The following PRC1 variants were observed in gnomAD, a reference collection of about 807,000 sequenced individuals.
The protein encoded by PRC1 is anaphase spindle elongation 1 homolog.
In PRC1, 54 loss-of-function variants were observed where a neutral mutation model predicts 91.2. That is an observed-to-expected ratio of 0.59 (90% CI 0.48 to 0.74). The LOEUF (loss-of-function observed/expected upper bound fraction) is 0.74, where lower values mean the gene tolerates loss of function less well. PRC1 is among the 30% of genes least tolerant of loss of function. The probability of loss-of-function intolerance (pLI) is 0.00; values close to 1 mark genes in which losing one functional copy is unlikely to be tolerated. For missense variants in PRC1, 727 were observed against 746.2 expected (o/e 0.97, Z 0.30); for synonymous variants, 275 against 263.6 (o/e 1.04, Z -0.42).
Position 90,969,629 on chromosome 15 carries a change from G to A in PRC1, c.1573-6C>T, listed in dbSNP as rs1454655585. ...CAGGTGGAAGCAGCGACTGGCTGCA[G>A]AGAAAGGAAAGAGATCCATGTATCA... On this transcript the variant is annotated splice_region_variant and splice_polypyrimidine_tract_variant and intron_variant, in intron 12 of 14. Transcript: ENST00000394249. 1 of 1,586,468 alleles carries A rather than the reference G, an allele frequency of 6.3e-7. No individual in the cohort carries two copies. Among genetic ancestry groups the A allele is most frequent in the Non-Finnish European group, 8.6e-7 (1 of 1,164,576 alleles).
rs527552614 is a variant in PRC1 at position 90,976,840 on chromosome 15, C to T, written c.1108-69G>A. The T allele has an allele frequency of 5.9e-6, 8 of 1,357,144 alleles. No individual in the cohort carries two copies. The Admixed American group carries it at 1.3e-4, about 21-fold the overall frequency. The allele number at this position is 1,357,144 out of a possible 1,614,324, so 84.1% of individuals were successfully genotyped here. Reference sequence around the variant, plus strand: ...GAGACCAATAACTTCTGCTAAGATTCTTTGTTCTCGCCAGGCGTGGTGACT... The same window carrying T: ...GAGACCAATAACTTCTGCTAAGATTTTTTGTTCTCGCCAGGCGTGGTGACT... On this transcript the variant is annotated intron_variant, in intron 8 of 14. Coordinates refer to ENST00000394249, the MANE Select transcript of PRC1 (RefSeq NM_003981.4).
chr15:90,979,097 G>A, intron 8 of PRC1, 61 bp downstream of exon 8: 1 of 1,546,828 alleles, frequency 6.5e-7, no homozygotes, highest in East Asian at 2.3e-5. Context: ...AAGCTAACTG[G>A]ATTGATTCCG....
At chr15:90,970,627 G>A in intron 11 of PRC1, 113 bp from the exon 12 acceptor site, 1 of 734,076 alleles carries the variant, frequency 1.4e-6, no homozygotes, top group Non-Finnish European at 2.4e-6. Context: ...AGGGAAGACG[G>A]GTTTACATGG....
In PRC1 at chr15:90,984,176, A is replaced by T; in HGVS notation, c.145-36T>A. Reference sequence around the variant, plus strand: ...GAAAACAGTCCATAAGTTTGGGGCAATGGAGGAAAAAAACTCCCAACACCA... The same window carrying T: ...GAAAACAGTCCATAAGTTTGGGGCATTGGAGGAAAAAAACTCCCAACACCA... On this transcript the variant is annotated intron_variant, in intron 2 of 14. Transcript: ENST00000394249. This position sits in a 1 kb window ranked among gnomAD's most constrained non-coding sequence, Gnocchi z 5.1. 6.2e-7 allele frequency: 1 copy of T among 1,606,458 alleles called. No individual in the cohort carries two copies. The highest frequency in any genetic ancestry group is 1.3e-5 in the African/African-American group (1 of 74,644).
chr15:90,975,307 T>C (rs2038578794), intron 9 of PRC1, among the ~76,000 whole-genome samples: 1 of 152,152 alleles, frequency 6.6e-6, no homozygotes, highest in African/African-American at 2.4e-5. Flanking sequence ...TTTCGTCATG[T>C]TGGCCAGGCT....
chr15:90,979,772 T>G (rs1308583187), intron 7 of PRC1, among the ~76,000 whole-genome samples: 1 of 152,232 alleles, frequency 6.6e-6, no homozygotes, highest in African/African-American at 2.4e-5. Context: ...GTCTCTGGGT[T>G]AAATGACTCA....
Position 90,969,503 on chromosome 15 carries a change from G to C in PRC1, c.1693C>G (p.Pro565Ala). The change falls in exon 13 of 15, where the codon CCC becomes GCC. Residue 565 changes from proline to alanine, a missense_variant. Transcript: ENST00000394249. ...TTAATGCTGAAGTTGCGCTGGAGGG[G>C]GGCCGAGCCAGGGTACCCACCACTC... The part of the protein sequence containing the change: ...ILSGGYPGSA[P>A]LQRNFSINSV... The C allele has an allele frequency of 6.2e-7, 1 of 1,612,894 alleles. No homozygotes were observed. The highest frequency in any genetic ancestry group is 1.1e-5 in the South Asian group (1 of 90,982).
At chr15:90,967,731 G>A (rs2037644015) in intron 14 of PRC1, 1 of 674,058 alleles carries the variant, frequency 1.5e-6, no homozygotes, top group Non-Finnish European at 1.8e-6. Context: ...TATAGTTTAG[G>A]TGTGTAGGCT....
At chr15:90,989,847 T>C (rs751432302) in intron 1 of PRC1, among the ~76,000 whole-genome samples, 1 of 151,996 alleles carries the variant, frequency 6.6e-6, no homozygotes, top group Non-Finnish European at 1.5e-5. Flanking sequence ...ATATCCAGAA[T>C]AGGTAAAAAG....
chr15:90,969,317 G>A (rs943201325), intron 13 of PRC1, 130 bp downstream of exon 13: 4 of 1,315,758 alleles, frequency 3.0e-6, no homozygotes, highest in Non-Finnish European at 4.2e-6. Context: ...CATGGTCAAA[G>A]CAGGAAAGGG....
At chr15:90,993,958 ATAAACT>A (rs2040136526) in intron 1 of PRC1, among the ~76,000 whole-genome samples, 2 of 152,222 alleles carry the variant, frequency 1.3e-5, no homozygotes, top group Non-Finnish European at 2.9e-5. Context: ...ACAACGATAA[ATAAACT>A]TAACAGCTTT....
chr15:90,981,402 A>T, intron 5 of PRC1, 97 bp downstream of exon 5: 1 of 1,371,078 alleles, frequency 7.3e-7, no homozygotes, highest in East Asian at 2.3e-5. Flanking sequence ...CTTACCTTAC[A>T]TTGTCTCCTT....
At chr15:90,982,008 T>A (rs1194269597) in intron 3 of PRC1, 27 bp from the exon 4 acceptor site, 2 of 1,591,686 alleles carry the variant, frequency 1.3e-6, no homozygotes, top group African/African-American at 1.4e-5. Context: ...ACCACTGTTA[T>A]AAGATTCCAA....
At chr15:90,985,355 C>T (rs1191362595) in intron 1 of PRC1, among the ~76,000 whole-genome samples, 2 of 151,564 alleles carry the variant, frequency 1.3e-5, no homozygotes, top group Non-Finnish European at 2.9e-5. Context: ...CTCAGCCTCC[C>T]GAGTAGGTGG....
At chr15:90,980,511 A>ATT in intron 6 of PRC1, 122 bp from the exon 7 acceptor site, 1 of 811,426 alleles carries the variant, frequency 1.2e-6, no homozygotes, top group Non-Finnish European at 1.7e-6. Context: ...ATAAATCAAC[A>ATT]CTTTTTTTTT....
At chr15:90,989,412 ATTTTTTT>A (rs58512103) in intron 1 of PRC1, among the ~76,000 whole-genome samples, 2 of 118,464 alleles carry the variant, frequency 1.7e-5, no homozygotes, top group African/African-American at 3.2e-5. Flanking sequence ...TGCTTGGCTA[ATTTTTTT>A]TTTTTTTTTT....
At position 90,974,293 on chromosome 15, in the gene PRC1, G is replaced by A. The variant is rs201913516; in HGVS notation, c.1351-47C>T. The A allele has an allele frequency of 2.1e-4, 314 of 1,526,504 alleles. No individual in the cohort carries two copies. Among genetic ancestry groups the A allele is most frequent in the East Asian group, 3.4e-4 (15 of 44,500 alleles). 94.6% of individuals were successfully genotyped at this position (1,526,504 alleles called of 1,614,324 possible). A position where few individuals can be genotyped will look rare whatever the true frequency, so the allele number is the denominator to read the frequency against. The stretch of plus-strand genomic sequence containing the variant: ...CAGTGATAAATCTCAGGAAGAGAGC[G>A]GGTCTGGGATGGCAACAGCAGCAGG... On this transcript the variant is annotated intron_variant, in intron 10 of 14. Transcript: ENST00000394249. This position sits in a 1 kb window ranked among gnomAD's most constrained non-coding sequence, Gnocchi z 4.6.
chr15:90,988,083 G>T (rs916691930), intron 1 of PRC1: 3 of 152,054 alleles, frequency 2.0e-5, no homozygotes, highest in African/African-American at 7.2e-5. Context: ...GAAAAAAAGA[G>T]AAATGTTAAC....
In PRC1 at chr15:90,974,248, T is replaced by C; in HGVS notation, c.1351-2A>G. The C allele has an allele frequency of 6.2e-7, 1 of 1,611,150 alleles. No individual in the cohort carries two copies. The highest frequency in any genetic ancestry group is 8.5e-7 in the Non-Finnish European group (1 of 1,177,298). Reference sequence around the variant, plus strand: ...TGTCTGTTTTTTGTTCTTCAGTTGCTGTGTGAAAGTCAGAAGCAACAGTGA... The same window carrying C: ...TGTCTGTTTTTTGTTCTTCAGTTGCCGTGTGAAAGTCAGAAGCAACAGTGA... On this transcript the variant is annotated splice_acceptor_variant, in intron 10 of 14. Coordinates refer to ENST00000394249, the MANE Select transcript of PRC1 (RefSeq NM_003981.4). LOFTEE classifies it high-confidence loss of function. This position sits in a 1 kb window ranked among gnomAD's most constrained non-coding sequence, Gnocchi z 4.6.
Sources: allele counts gnomAD v4.1 joint callset (sites outside exome capture counted in the v4.1 genomes callset), GRCh38; gene constraint gnomAD v4.1.1; non-coding constraint Gnocchi (gnomAD v3.1); transcripts MANE v1.5; gene names NCBI Gene and HGNC (gene_info 2026-07-23, HGNC 2026-07-21).